Variants in SPMIP11 observed in about 807,000 individuals in gnomAD.
SPMIP11 encodes the protein sperm microtubule inner protein 11.
At chr12:48,744,389 G>T in the SPMIP11 span, among the ~76,000 whole-genome samples, 2 of 152,082 alleles carry the variant, frequency 1.3e-5, no homozygotes, top group Non-Finnish European at 2.9e-5. Flanking sequence ...CTGGGTGACA[G>T]AGTGAGACTC....
the SPMIP11 span, among the ~76,000 whole-genome samples, chr12:48,728,245 T>G: frequency 6.6e-6 from 1 of 152,136 alleles, no homozygotes; most frequent in Non-Finnish European, 1.5e-5. Flanking sequence ...TGCAATATAT[T>G]GTATGATTAC....
chr12:48,757,976 A>G, the SPMIP11 span, among the ~76,000 whole-genome samples: 5 of 152,114 alleles, frequency 3.3e-5, no homozygotes, highest in African/African-American at 1.2e-4. Context: ...CCTGGGTGAC[A>G]GAGCAAGACT....
the SPMIP11 span, among the ~76,000 whole-genome samples, chr12:48,761,279 T>A: frequency 6.6e-6 from 1 of 151,676 alleles, no homozygotes; most frequent in African/African-American, 2.4e-5. Context: ...AAACCCCATC[T>A]CAACTAAAAA....
chr12:48,738,123 C>T, the SPMIP11 span, among the ~76,000 whole-genome samples: 1 of 152,222 alleles, frequency 6.6e-6, no homozygotes, highest in African/African-American at 2.4e-5. Flanking sequence ...CCATGTCTGG[C>T]TTAATTTTAT....
the SPMIP11 span, among the ~76,000 whole-genome samples, chr12:48,732,966 G>C: frequency 7.2e-6 from 1 of 138,458 alleles, no homozygotes; most frequent in African/African-American, 2.7e-5. Context: ...TGAGGTTGTG[G>C]TGAGCCGAGA....
the SPMIP11 span, among the ~76,000 whole-genome samples, chr12:48,727,752 A>G: frequency 6.6e-6 from 1 of 152,174 alleles, no homozygotes; most frequent in African/African-American, 2.4e-5. Context: ...TAATATCCTT[A>G]TTAAGACACA....
the SPMIP11 span, among the ~76,000 whole-genome samples, chr12:48,769,854 C>T: frequency 4.0e-5 from 6 of 151,510 alleles, no homozygotes; most frequent in South Asian, 1.0e-3. Context: ...CTCCGCCTCC[C>T]GGGTTCACAC....
At chr12:48,729,882 C>G in the SPMIP11 span, among the ~76,000 whole-genome samples, 3 of 152,066 alleles carry the variant, frequency 2.0e-5, 1 homozygote, top group East Asian at 5.8e-4. Context: ...TATCCTTATA[C>G]AAGCCCTTCC....
chr12:48,770,881 G>C, the SPMIP11 span: 1 of 1,614,240 alleles, frequency 6.2e-7, no homozygotes, highest in Non-Finnish European at 8.5e-7. Flanking sequence ...CCTGATCGTA[G>C]GTGCTGGCGT....
chr12:48,743,145 C>T, the SPMIP11 span, among the ~76,000 whole-genome samples: 3 of 151,688 alleles, frequency 2.0e-5, no homozygotes, highest in Non-Finnish European at 4.4e-5. Flanking sequence ...TGCCTGTAAT[C>T]CCAACACTTT....
At chr12:48,758,857 A>C in the SPMIP11 span, among the ~76,000 whole-genome samples, 1 of 152,232 alleles carries the variant, frequency 6.6e-6, no homozygotes, top group South Asian at 2.1e-4. Context: ...AGACCATTTG[A>C]AGTTCTGCAA....
At chr12:48,771,119 A>G in the SPMIP11 span, 1 of 786,356 alleles carries the variant, frequency 1.3e-6, no homozygotes, top group Non-Finnish European at 2.0e-6. This position sits in a 1 kb window ranked among gnomAD's most constrained non-coding sequence, Gnocchi z 4.3. Context: ...TGTAAGACTG[A>G]GGAGCTGGGA....
the SPMIP11 span, among the ~76,000 whole-genome samples, chr12:48,751,372 G>A: frequency 0.33 from 49,681 of 151,760 alleles, 9,232 homozygotes; most frequent in Non-Finnish European, 0.44. Context: ...CCAGCACTTT[G>A]GGAGGCTTAG....
the SPMIP11 span, among the ~76,000 whole-genome samples, chr12:48,750,926 G>A: frequency 6.6e-6 from 1 of 152,140 alleles, no homozygotes; most frequent in African/African-American, 2.4e-5. Context: ...ACCATTCTGT[G>A]GTTCAAATCA....
the SPMIP11 span, among the ~76,000 whole-genome samples, chr12:48,733,111 T>TTCA: frequency 3.3e-5 from 5 of 149,550 alleles, no homozygotes; most frequent in African/African-American, 4.9e-5. Context: ...GTCTCGCTCT[T>TTCA]TCGCCCAGGC....
chr12:48,771,202 C>T, the SPMIP11 span: 1 of 575,346 alleles, frequency 1.7e-6, no homozygotes, highest in Non-Finnish European at 3.1e-6. The surrounding 1 kb of genome is among the most constrained non-coding windows in gnomAD (Gnocchi z 4.3). Flanking sequence ...AGCTCACTCA[C>T]AGAACACAGA....
At chr12:48,742,091 T>A in the SPMIP11 span, among the ~76,000 whole-genome samples, 17 of 152,086 alleles carry the variant, frequency 1.1e-4, no homozygotes, top group East Asian at 3.9e-4. Context: ...TTAAAAAAAA[T>A]TTTTTGTAGA....
the SPMIP11 span, among the ~76,000 whole-genome samples, chr12:48,749,575 C>T: frequency 1.6e-5 from 2 of 122,974 alleles, no homozygotes; most frequent in Admixed American, 1.0e-4. Context: ...GCAGAGCTTT[C>T]GGTGAGCCAA....
At chr12:48,751,583 T>C in the SPMIP11 span, among the ~76,000 whole-genome samples, 1 of 152,144 alleles carries the variant, frequency 6.6e-6, no homozygotes, top group African/African-American at 2.4e-5. Context: ...TCCAGCCTAG[T>C]GACAGAGTGA....
Sources: gnomAD v4.1 joint callset for allele counts (sites outside exome capture counted in the v4.1 genomes callset) on GRCh38, gnomAD v4.1.1 for gene constraint, Gnocchi (gnomAD v3.1) non-coding constraint, MANE v1.5 for transcripts, NCBI Gene and HGNC (gene_info 2026-07-23, HGNC 2026-07-21) for gene names.